Variants in RAPGEF5 observed in about 807,000 individuals in gnomAD.
RAPGEF5 encodes the protein Rap guanine nucleotide exchange factor 5.
RAPGEF5 carries 65 observed loss-of-function variants against 125.2 expected under a neutral mutation model. The ratio of observed to expected loss-of-function variants is 0.52; its 90% CI spans 0.43 to 0.64. The LOEUF (loss-of-function observed/expected upper bound fraction) is 0.64. Ranked by LOEUF, RAPGEF5 falls within the 30% of genes least tolerant of loss-of-function variation. RAPGEF5 has a pLI of 0.00. For missense variants in RAPGEF5, 958 were observed against 1,048.1 expected (o/e 0.91, Z 1.19); for synonymous variants, 391 against 385.9 (o/e 1.01, Z -0.16).
intron 7 of RAPGEF5, among the ~76,000 whole-genome samples, chr7:22,250,160 T>C (rs959492509): frequency 6.6e-6 from 1 of 152,204 alleles, no homozygotes; most frequent in African/African-American, 2.4e-5. Context: ...CGTGCCTTCA[T>C]TGACTCCAGG....
intron 7 of RAPGEF5, among the ~76,000 whole-genome samples, chr7:22,246,660 G>A (rs949348200): frequency 1.3e-5 from 2 of 151,720 alleles, no homozygotes; most frequent in Admixed American, 1.3e-4. Context: ...GTGGACATTA[G>A]CCTTGGCAAA....
chr7:22,142,014 C>A (rs80150576), intron 20 of RAPGEF5, among the ~76,000 whole-genome samples: 1 of 152,298 alleles, frequency 6.6e-6, no homozygotes, highest in Middle Eastern at 3.4e-3. Context: ...CAACCCTGAA[C>A]GTTCCCACCA....
At chr7:22,301,603 A>G (rs1200557718) in intron 5 of RAPGEF5, among the ~76,000 whole-genome samples, 11 of 133,476 alleles carry the variant, frequency 8.2e-5, no homozygotes, top group African/African-American at 3.1e-4. Context: ...TGGCAGAGTG[A>G]GACTCTGTCT....
intron 6 of RAPGEF5, among the ~76,000 whole-genome samples, chr7:22,269,352 A>T (rs1782364155): frequency 6.6e-6 from 1 of 152,162 alleles, no homozygotes. Context: ...TCAATCATTT[A>T]AAGTTGTGTG....
intron 9 of RAPGEF5, among the ~76,000 whole-genome samples, chr7:22,194,337 C>G (rs982749142): frequency 6.6e-6 from 1 of 152,174 alleles, no homozygotes; most frequent in African/African-American, 2.4e-5. Flanking sequence ...AATTTAGGGA[C>G]TACAAAGTTC....
intron 7 of RAPGEF5, among the ~76,000 whole-genome samples, chr7:22,232,482 G>A (rs1786084180): frequency 1.3e-5 from 2 of 151,994 alleles, no homozygotes. Context: ...ACCATGCCCA[G>A]ATAATTTTTG....
chr7:22,257,978 A>C (rs1209458012), intron 7 of RAPGEF5, among the ~76,000 whole-genome samples: 1 of 152,204 alleles, frequency 6.6e-6, no homozygotes, highest in Admixed American at 6.5e-5. Flanking sequence ...AAAAGGAATT[A>C]TATGCATTGG....
At chr7:22,321,243 T>C (rs577330843) in intron 1 of RAPGEF5, among the ~76,000 whole-genome samples, 23 of 152,212 alleles carry the variant, frequency 1.5e-4, no homozygotes, top group Admixed American at 4.6e-4. Flanking sequence ...TATTCACAAA[T>C]GGACTTCCAG....
At chr7:22,152,382 A>G (rs899136091) in intron 17 of RAPGEF5, among the ~76,000 whole-genome samples, 4 of 152,204 alleles carry the variant, frequency 2.6e-5, no homozygotes, top group African/African-American at 9.6e-5. Flanking sequence ...ATCTGAATTT[A>G]TGAGAGCCAT....
At chr7:22,142,275 C>T (rs1783287809) in intron 20 of RAPGEF5, among the ~76,000 whole-genome samples, 1 of 152,174 alleles carries the variant, frequency 6.6e-6, no homozygotes, top group African/African-American at 2.4e-5. Context: ...TTACATTCTG[C>T]CCATCACCCA....
chr7:22,132,520 G>A (rs747650143), intron 23 of RAPGEF5, among the ~76,000 whole-genome samples: 7 of 152,122 alleles, frequency 4.6e-5, no homozygotes, highest in East Asian at 1.9e-4. Context: ...CTTTCATTCC[G>A]TGACACGGTA....
intron 1 of RAPGEF5, among the ~76,000 whole-genome samples, chr7:22,341,968 G>C (rs997546384): frequency 6.6e-6 from 1 of 152,192 alleles, no homozygotes; most frequent in Non-Finnish European, 1.5e-5. Context: ...AGGTGGTAGA[G>C]AGCTGTCCCC....
chr7:22,134,774 A>C (rs1783028037), intron 23 of RAPGEF5, among the ~76,000 whole-genome samples: 3 of 152,364 alleles, frequency 2.0e-5, no homozygotes, highest in African/African-American at 7.2e-5. Flanking sequence ...TAAAAAGCAC[A>C]GACCTTCTCT....
rs896991269 is a variant in RAPGEF5, at chr7:22,121,244, G to T, written c.*1162C>A. On this transcript the variant is annotated 3_prime_UTR_variant, in exon 26 of 26. Transcript: ENST00000665637. ...AGATTTTGAAAAAAAAAAAAAAAAA[G>T]GCAAATTATAGAAAGGCTCCCTGCT... The T allele has an allele frequency of 8.9e-6, 1 of 112,396 alleles. No homozygotes were observed. The highest frequency in any genetic ancestry group is 3.3e-5 in the African/African-American group (1 of 30,240). The allele number at this position is 112,396 out of a possible 1,614,324, so 7.0% of individuals were successfully genotyped here.
intron 8 of RAPGEF5, 133 bp downstream of exon 8, chr7:22,230,713 A>G: frequency 2.6e-6 from 2 of 760,780 alleles, no homozygotes; most frequent in South Asian, 3.9e-5. Context: ...AAAACTGAGC[A>G]CTTTATTCCC....
At chr7:22,161,040 CAAAAA>C (rs58855860) in intron 13 of RAPGEF5, among the ~76,000 whole-genome samples, 111,882 of 146,036 alleles carry the variant, frequency 0.77, 43,092 homozygotes, top group Non-Finnish European at 0.82. Flanking sequence ...ACTAAAAATA[CAAAAA>C]AAAAAAAAAA....
In RAPGEF5 at chr7:22,145,372, T is replaced by A. The variant is rs140890839; in HGVS notation, c.2008-150A>T. 804 of 699,330 alleles carry A rather than the reference T, an allele frequency of 1.1e-3. 1 individual carries two copies. The highest frequency in any genetic ancestry group is 9.1e-3 in the African/African-American group (505 of 55,306). 43.3% of individuals were successfully genotyped at this position (699,330 alleles called of 1,614,324 possible). ...CATGGTGAATAGTAATACATTAAAT[T>A]CAAAATGAGTTAGTTTTAGAGGTGC... On this transcript the variant is annotated intron_variant, in intron 19 of 25. Coordinates refer to ENST00000665637, the MANE Select transcript of RAPGEF5 (RefSeq NM_012294.5).
At chr7:22,248,384 G>A (rs1786532706) in intron 7 of RAPGEF5, among the ~76,000 whole-genome samples, 1 of 152,144 alleles carries the variant, frequency 6.6e-6, no homozygotes, top group Non-Finnish European at 1.5e-5. Flanking sequence ...TAAGTCTTGG[G>A]TTAGTTTCAG....
At chr7:22,292,216 A>T (rs1476652631) in intron 5 of RAPGEF5, among the ~76,000 whole-genome samples, 1 of 152,188 alleles carries the variant, frequency 6.6e-6, no homozygotes, top group Non-Finnish European at 1.5e-5. Flanking sequence ...ATGGGGCAGG[A>T]GGGCTTCTCC....
Sources: gnomAD v4.1 joint callset for allele counts (sites outside exome capture counted in the v4.1 genomes callset) on GRCh38, gnomAD v4.1.1 for gene constraint, MANE v1.5 for transcripts, NCBI Gene and HGNC (gene_info 2026-07-23, HGNC 2026-07-21) for gene names.